Variants in CARS1 observed in about 807,000 individuals in gnomAD.
The protein encoded by CARS1 is cysteinyl-tRNA synthetase 1, also known as cysteine--tRNA ligase, cytoplasmic.
Under a neutral mutation model 106.2 loss-of-function variants are expected in CARS1, and 48 were observed. That is an observed-to-expected ratio of 0.45 (90% CI 0.36 to 0.57). CARS1 has a LOEUF of 0.57. CARS1 is among the 20% of genes least tolerant of loss of function. CARS1 has a pLI of 0.00. For synonymous variants in CARS1, 409 were observed against 403.4 expected, an observed-to-expected ratio of 1.01 and a Z score of -0.17; for missense variants, 968 against 1,057.2, an observed-to-expected ratio of 0.92 and a Z score of 1.17.
At chr11:3,005,179 G>C (rs1849740581) in intron 20 of CARS1, among the ~76,000 whole-genome samples, 187 bp downstream of exon 20, 1 of 151,688 alleles carries the variant, frequency 6.6e-6, no homozygotes, top group Admixed American at 6.6e-5. Flanking sequence ...TAAACTGAGG[G>C]AATAATCTTT....
rs529872387 is a variant in CARS1, at chr11:3,005,450, G to A, written c.2150-17C>T. 2.5e-6 allele frequency: 4 copies of A among 1,607,950 alleles called. No homozygotes were observed. Among genetic ancestry groups the A allele is most frequent in the South Asian group, 2.2e-5 (2 of 90,886 alleles). On this transcript the variant is annotated splice_polypyrimidine_tract_variant and intron_variant, in intron 19 of 22. Coordinates refer to ENST00000380525, the MANE Select transcript of CARS1 (RefSeq NM_001014437.3). Reference sequence around the variant, plus strand: ...TGGGCAGTCCTGCAAAATAAACTGCGTGTGAGAAGAGTCTGGGCTCTGTGG... The same window carrying A: ...TGGGCAGTCCTGCAAAATAAACTGCATGTGAGAAGAGTCTGGGCTCTGTGG...
At chr11:3,026,238 A>G (rs1423497779) in intron 10 of CARS1, among the ~76,000 whole-genome samples, 1 of 152,212 alleles carries the variant, frequency 6.6e-6, no homozygotes, top group African/African-American at 2.4e-5. Flanking sequence ...GTTTCTAGGC[A>G]CAAACACACA....
rs911746298 is a variant in CARS1 at position 3,037,755 on chromosome 11, C to G, written c.801+295G>C. Among the ~76,000 whole-genome samples the G allele has an allele frequency of 6.6e-6, 1 of 152,190 alleles. No homozygotes were observed. Among genetic ancestry groups the G allele is most frequent in the African/African-American group, 2.4e-5 (1 of 41,434 alleles). On this transcript the variant is annotated intron_variant, in intron 7 of 22. Coordinates refer to ENST00000380525, the MANE Select transcript of CARS1 (RefSeq NM_001014437.3). This position sits in a 1 kb window ranked among gnomAD's most constrained non-coding sequence, Gnocchi z 5.9. ...ACTTCGACAGAAGGCTGCCTCCCCA[C>G]GTTCCAAGTGCACCTCCTGCCTATC...
At chr11:3,014,268 T>C (rs1850774499) in intron 17 of CARS1, among the ~76,000 whole-genome samples, 2 of 152,228 alleles carry the variant, frequency 1.3e-5, no homozygotes, top group African/African-American at 4.8e-5. Flanking sequence ...AGCAGGTGGC[T>C]GTGTGGCGAC....
chr11:3,044,572 T>C lies in CARS1; in HGVS notation c.275-2316A>G, dbSNP rs1263065166. On this transcript the variant is annotated intron_variant, in intron 2 of 22. Transcript: ENST00000380525. The surrounding 1 kb of genome is among the most constrained non-coding windows in gnomAD (Gnocchi z 4.4). ...CCACCACGCCCCACCAATTTTTGTA[T>C]CTTTAGTAGGGATGGGGTTTCACCA... 6.6e-6 allele frequency among the ~76,000 whole-genome samples: 1 copy of C among 152,144 alleles called. No homozygotes were observed. Among genetic ancestry groups the C allele is most frequent in the Non-Finnish European group, 1.5e-5 (1 of 68,036 alleles).
Position 3,018,509 on chromosome 11 carries a change from G to A in CARS1, c.1528C>T (p.Arg510Trp), listed in dbSNP as rs201215281. The change falls in exon 14 of 23, where the codon CGG becomes TGG. Residue 510 changes from arginine to tryptophan, a missense_variant and splice_region_variant. Transcript: ENST00000380525. ...ATGAGGAAGGCCAGCCGCAACTGCC[G>A]TGCTGTGGGGGGACACAAGACAGCC... The part of the protein sequence containing the change: ...IKDALKKHSA[R>W]QLRLAFLMHS... The A allele has an allele frequency of 1.2e-5, 19 of 1,613,834 alleles. 1 individual carries two copies. Among genetic ancestry groups the A allele is most frequent in the African/African-American group, 2.7e-5 (2 of 75,048 alleles).
chr11:3,054,502 G>C (rs185451345), intron 1 of CARS1, among the ~76,000 whole-genome samples: 64 of 152,346 alleles, frequency 4.2e-4, no homozygotes, highest in Middle Eastern at 3.4e-3. Context: ...ACATCGAAGG[G>C]CATCAGCTTT....
intron 18 of CARS1, 65 bp downstream of exon 18, chr11:3,012,130 C>T (rs550711534): frequency 4.1e-5 from 58 of 1,423,352 alleles, no homozygotes; most frequent in African/African-American, 3.5e-4. Flanking sequence ...TCGGGGGAGA[C>T]GCCCGGTCCG....
rs1564799298 is a variant in CARS1 at position 3,053,218 on chromosome 11, T to G, written c.25+4125A>C. On this transcript the variant is annotated intron_variant, in intron 1 of 22. Transcript: ENST00000380525. The surrounding 1 kb of genome is among the most constrained non-coding windows in gnomAD (Gnocchi z 6.6). Reference sequence around the variant, plus strand: ...CCTATCAGCATTTATTTTTTATTTATTTTTATTTTATTTTATTTTATTTTA... The same window carrying G: ...CCTATCAGCATTTATTTTTTATTTAGTTTTATTTTATTTTATTTTATTTTA... Among the ~76,000 whole-genome samples the G allele has an allele frequency of 6.6e-6, 1 of 152,094 alleles. No homozygotes were observed. Among genetic ancestry groups the G allele is most frequent in the Non-Finnish European group, 1.5e-5 (1 of 68,018 alleles).
chr11:3,037,946 T>G lies in CARS1; in HGVS notation c.801+104A>C. On this transcript the variant is annotated intron_variant, in intron 7 of 22. Transcript: ENST00000380525. The surrounding 1 kb of genome is among the most constrained non-coding windows in gnomAD (Gnocchi z 5.9). ...GAGCTACTGGAGACACAGAGTGTCT[T>G]CCACTAAGACAATCTGTGGAATCAA... 8.3e-7 allele frequency: 1 copy of G among 1,205,658 alleles called. No homozygotes were observed. Among genetic ancestry groups the G allele is most frequent in the Admixed American group, 2.2e-5 (1 of 45,458 alleles). The allele number at this position is 1,205,658 out of a possible 1,614,324, so 74.7% of individuals were successfully genotyped here.
chr11:3,044,336 C>T lies in CARS1; in HGVS notation c.275-2080G>A, dbSNP rs574093018. 7.2e-5 allele frequency among the ~76,000 whole-genome samples: 11 copies of T among 152,150 alleles called. No homozygotes were observed. Among genetic ancestry groups the T allele is most frequent in the Non-Finnish European group, 1.0e-4 (7 of 68,028 alleles). ...GCTGGCGATGGGCTCCCCAGGAAAA[C>T]GGGTTACCAGGCCCAGATATACAAA... On this transcript the variant is annotated intron_variant, in intron 2 of 22. Coordinates refer to ENST00000380525, the MANE Select transcript of CARS1 (RefSeq NM_001014437.3). The surrounding 1 kb of genome is among the most constrained non-coding windows in gnomAD (Gnocchi z 4.4).
At position 3,034,534 on chromosome 11, in the gene CARS1, AT is replaced by A. The variant is rs369896154; in HGVS notation, c.801+3515del. On this transcript the variant is annotated intron_variant, in intron 7 of 22. Coordinates refer to ENST00000380525, the MANE Select transcript of CARS1 (RefSeq NM_001014437.3). The surrounding 1 kb of genome is among the most constrained non-coding windows in gnomAD (Gnocchi z 6.3). ...CTGCGCCTGGCCGGGAATGGGTAAA[AT>A]TTTTTTTCTTTTTGAGACGGAGTCT... 5.0e-5 allele frequency among the ~76,000 whole-genome samples: 7 copies of A among 140,958 alleles called. No homozygotes were observed. Among genetic ancestry groups the A allele is most frequent in the Non-Finnish European group, 7.7e-5 (5 of 65,254 alleles). 92.5% of individuals were successfully genotyped at this position (140,958 alleles called of 152,430 possible). A position where few individuals can be genotyped will look rare whatever the true frequency, so the allele number is the denominator to read the frequency against.
In CARS1 at chr11:3,049,775, C is replaced by T. The variant is rs75256536; in HGVS notation, c.26-1774G>A. 9.3e-3 allele frequency among the ~76,000 whole-genome samples: 1,421 copies of T among 152,332 alleles called. 10 individuals are homozygous for T. The highest frequency in any genetic ancestry group is 0.014 in the Non-Finnish European group (936 of 68,032). On this transcript the variant is annotated intron_variant, in intron 1 of 22. Transcript: ENST00000380525. ...TCACAGTCCCCCTCTCTGCCTTCTC[C>T]CATTCCCTTTTGTCCCCCATCTCCG...
At chr11:3,007,193 G>A in intron 18 of CARS1, 1 of 575,860 alleles carries the variant, frequency 1.7e-6, no homozygotes, top group Non-Finnish European at 3.1e-6. Flanking sequence ...TCTCCCGTAA[G>A]CCCAGGGGCT....
At position 3,052,902 on chromosome 11, in the gene CARS1, C is replaced by A. The variant is rs541627946; in HGVS notation, c.25+4441G>T. Among the ~76,000 whole-genome samples the A allele has an allele frequency of 6.6e-6, 1 of 152,226 alleles. No homozygotes were observed. Among genetic ancestry groups the A allele is most frequent in the Non-Finnish European group, 1.5e-5 (1 of 68,040 alleles). On this transcript the variant is annotated intron_variant, in intron 1 of 22. Coordinates refer to ENST00000380525, the MANE Select transcript of CARS1 (RefSeq NM_001014437.3). The surrounding 1 kb of genome is among the most constrained non-coding windows in gnomAD (Gnocchi z 4.6). Reference sequence around the variant, plus strand: ...ACTGGCCCTCATCGTAGAGCCTGCACGCTCCGTGCCGAAACTCCTGCTCTG... The same window carrying A: ...ACTGGCCCTCATCGTAGAGCCTGCAAGCTCCGTGCCGAAACTCCTGCTCTG...
intron 1 of CARS1, among the ~76,000 whole-genome samples, chr11:3,056,257 G>T (rs1856190558): frequency 6.6e-6 from 1 of 152,206 alleles, no homozygotes; most frequent in African/African-American, 2.4e-5. Flanking sequence ...ACTGAGGGTG[G>T]GGGCTGGAGG....
At chr11:3,018,591 G>A (rs1244249430) in intron 13 of CARS1, 29 bp downstream of exon 13, 3 of 1,613,490 alleles carry the variant, frequency 1.9e-6, no homozygotes, top group South Asian at 2.2e-5. Context: ...AAGGTGGTTG[G>A]GGGGTCTGTG....
rs112558834 is a variant in CARS1, at chr11:3,005,530, G to A, written c.2150-97C>T. ...CTGCCCTGCCCTGCCCAGACCATGC[G>A]GTGCTGCCCAGTCAGAGCGAGGGCC... On this transcript the variant is annotated intron_variant, in intron 19 of 22. Transcript: ENST00000380525. 1,547 of 875,432 alleles carry A rather than the reference G, an allele frequency of 1.8e-3. 17 individuals are homozygous for A. In the African/African-American group the frequency reaches 0.021, roughly 12 times the overall value. 54.2% of individuals were successfully genotyped at this position (875,432 alleles called of 1,614,324 possible). A position where few individuals can be genotyped will look rare whatever the true frequency, so the allele number is the denominator to read the frequency against.
At chr11:3,024,400 T>C (rs1851853453) in intron 10 of CARS1, among the ~76,000 whole-genome samples, 1 of 152,194 alleles carries the variant, frequency 6.6e-6, no homozygotes, top group Non-Finnish European at 1.5e-5. Flanking sequence ...TTGTACATTT[T>C]AGACGTCCGT....
Sources: gnomAD v4.1 joint callset for allele counts (sites outside exome capture counted in the v4.1 genomes callset) on GRCh38, gnomAD v4.1.1 for gene constraint, Gnocchi (gnomAD v3.1) non-coding constraint, MANE v1.5 for transcripts, NCBI Gene and HGNC (gene_info 2026-07-23, HGNC 2026-07-21) for gene names.